The following KCTD16 variants were observed in gnomAD, a reference collection of about 807,000 sequenced individuals.
KCTD16 encodes the protein BTB/POZ domain-containing protein KCTD16.
A neutral mutation model predicts 33.2 loss-of-function variants in KCTD16; 13 were observed. That is an observed-to-expected ratio of 0.39 (90% CI 0.25 to 0.62). KCTD16 has a LOEUF of 0.62. KCTD16 is among the 20% of genes least tolerant of loss of function. The pLI is 0.50. For missense variants in KCTD16, 441 were observed against 525.1 expected (o/e 0.84, Z 1.57); for synonymous variants, 197 against 195.3 (o/e 1.01, Z -0.07).
rs146478569 is a variant in KCTD16 at position 144,290,925 on chromosome 5, A to T, written c.832+83379A>T. 5.1e-3 allele frequency among the ~76,000 whole-genome samples: 774 copies of T among 152,376 alleles called. 7 individuals carry two copies. Among genetic ancestry groups the T allele is most frequent in the East Asian group, 0.036 (188 of 5,194 alleles). On this transcript the variant is annotated intron_variant, in intron 3 of 3. Transcript: ENST00000512467. ...TAAGGATTTTAAAGATAATTTATTA[A>T]CTTATTTATAACCTTCTTGGTTCAA...
At chr5:144,273,331 G>A (rs1327289518) in intron 3 of KCTD16, among the ~76,000 whole-genome samples, 1 of 152,156 alleles carries the variant, frequency 6.6e-6, no homozygotes, top group African/African-American at 2.4e-5. Flanking sequence ...AACAACAAAT[G>A]TTGGTGAGGA....
chr5:144,208,897 T>C (rs1463765305), intron 3 of KCTD16, among the ~76,000 whole-genome samples: 1 of 152,256 alleles, frequency 6.6e-6, no homozygotes, highest in Non-Finnish European at 1.5e-5. Flanking sequence ...GTGGCCTTTA[T>C]CTACAATCTA....
At chr5:144,226,624 G>C (rs1461231378) in intron 3 of KCTD16, among the ~76,000 whole-genome samples, 1 of 151,294 alleles carries the variant, frequency 6.6e-6, no homozygotes, top group African/African-American at 2.4e-5. Context: ...CCAGGCTGAA[G>C]TGCAGTGGCA....
intron 3 of KCTD16, among the ~76,000 whole-genome samples, chr5:144,417,946 T>G (rs1753109192): frequency 6.6e-6 from 1 of 152,150 alleles, no homozygotes; most frequent in Non-Finnish European, 1.5e-5. Flanking sequence ...TTCTTAAAGA[T>G]GGTGTGTCCG....
chr5:144,380,049 C>G (rs550543574), intron 3 of KCTD16, among the ~76,000 whole-genome samples: 126 of 151,996 alleles, frequency 8.3e-4, no homozygotes, highest in Middle Eastern at 3.4e-3. Context: ...GATTCTATAC[C>G]TAAAAAATAT....
In KCTD16 at chr5:144,206,677, C is replaced by A; in HGVS notation, c.-38C>A. On this transcript the variant is annotated 5_prime_UTR_variant, in exon 3 of 4. Transcript: ENST00000512467. ...AAGGCTGTGACTCCATTGGATTGCA[C>A]CTTTAAATCAAAATAGCAGCAGCAG... is the stretch of plus-strand genomic sequence containing the variant. 6.5e-7 allele frequency: 1 copy of A among 1,548,032 alleles called. No homozygotes were observed. Among genetic ancestry groups the A allele is most frequent in the Admixed American group, 1.7e-5 (1 of 57,510 alleles).
chr5:144,267,450 A>C (rs1755175266), intron 3 of KCTD16, among the ~76,000 whole-genome samples: 1 of 152,234 alleles, frequency 6.6e-6, no homozygotes, highest in Non-Finnish European at 1.5e-5. Context: ...CCTAAGCATT[A>C]TGTGAGACAA....
intron 3 of KCTD16, among the ~76,000 whole-genome samples, chr5:144,332,317 G>T (rs1291595693): frequency 3.9e-5 from 6 of 152,142 alleles, no homozygotes; most frequent in African/African-American, 7.2e-5. Context: ...CAGGCAAGGC[G>T]CAGGGGGCCT....
intron 2 of KCTD16, among the ~76,000 whole-genome samples, chr5:144,194,065 G>A (rs1752894755): frequency 6.6e-6 from 1 of 152,102 alleles, no homozygotes; most frequent in Admixed American, 6.5e-5. Flanking sequence ...AGAAAGCAAG[G>A]CCAAGCATTT....
chr5:144,182,896 T>C (rs1752654405), intron 2 of KCTD16, among the ~76,000 whole-genome samples: 1 of 152,200 alleles, frequency 6.6e-6, no homozygotes, highest in Non-Finnish European at 1.5e-5. Flanking sequence ...ATTTCTTTGT[T>C]ATTATTGTTT....
At chr5:144,326,023 G>C (rs1029756291) in intron 3 of KCTD16, among the ~76,000 whole-genome samples, 1 of 152,030 alleles carries the variant, frequency 6.6e-6, no homozygotes, top group Non-Finnish European at 1.5e-5. Context: ...TAATAATAGT[G>C]GACTCAGTAA....
intron 3 of KCTD16, among the ~76,000 whole-genome samples, chr5:144,323,484 G>A (rs532960309): frequency 6.6e-6 from 1 of 152,256 alleles, no homozygotes; most frequent in East Asian, 1.9e-4. Flanking sequence ...AAGAAAGAAT[G>A]GGTAGATGTG....
chr5:144,407,148 G>A (rs575351544), intron 3 of KCTD16, among the ~76,000 whole-genome samples: 10 of 151,394 alleles, frequency 6.6e-5, no homozygotes, highest in Admixed American at 2.6e-4. Context: ...AAAATTATGT[G>A]TGTAGCCTTA....
intron 3 of KCTD16, among the ~76,000 whole-genome samples, chr5:144,343,678 T>C (rs1215535909): frequency 2.0e-5 from 3 of 152,174 alleles, no homozygotes; most frequent in Non-Finnish European, 4.4e-5. Context: ...TGTTAGGGTG[T>C]CAATTTTGGA....
At chr5:144,344,749 T>G (rs1429705259) in intron 3 of KCTD16, among the ~76,000 whole-genome samples, 2 of 150,166 alleles carry the variant, frequency 1.3e-5, no homozygotes, top group African/African-American at 2.4e-5. Flanking sequence ...ACTTTTACAC[T>G]GTTGGTGGGA....
chr5:144,417,089 A>C (rs1195748667), intron 3 of KCTD16, among the ~76,000 whole-genome samples: 1 of 152,174 alleles, frequency 6.6e-6, no homozygotes, highest in Non-Finnish European at 1.5e-5. Context: ...ATCATGCTTG[A>C]ACAGGTACTT....
chr5:144,340,912 CGGT>C (rs1752621368), intron 3 of KCTD16, among the ~76,000 whole-genome samples: 1 of 151,804 alleles, frequency 6.6e-6, no homozygotes, highest in African/African-American at 2.4e-5. Flanking sequence ...TAGCCAGGCA[CGGT>C]GGTGGGCGCC....
intron 3 of KCTD16, among the ~76,000 whole-genome samples, chr5:144,236,706 G>A (rs1462196866): frequency 1.3e-5 from 2 of 152,102 alleles, no homozygotes; most frequent in African/African-American, 2.4e-5. Flanking sequence ...GGCAAGGAAA[G>A]GAAGATCTAT....
chr5:144,398,017 T>G (rs533352921), intron 3 of KCTD16, among the ~76,000 whole-genome samples: 1 of 152,206 alleles, frequency 6.6e-6, no homozygotes, highest in East Asian at 1.9e-4. Context: ...CAGCTGTTTG[T>G]GTCCCCATGT....
Sources: allele counts gnomAD v4.1 joint callset (sites outside exome capture counted in the v4.1 genomes callset), GRCh38; gene constraint gnomAD v4.1.1; transcripts MANE v1.5; gene names NCBI Gene and HGNC (gene_info 2026-07-23, HGNC 2026-07-21).